The following ITGB8 variants were observed in gnomAD, a reference collection of about 807,000 sequenced individuals.
The protein encoded by ITGB8 is integrin subunit beta 8.
A neutral mutation model predicts 89.5 loss-of-function variants in ITGB8; 30 were observed. That is an observed-to-expected ratio of 0.34 (90% CI 0.25 to 0.45). The LOEUF is 0.45. Among genes scored for constraint, ITGB8 ranks in the 20% least tolerant of loss-of-function variants. The probability of loss-of-function intolerance (pLI) is 1.00; values close to 1 mark genes in which losing one functional copy is unlikely to be tolerated. For synonymous variants in ITGB8, 335 were observed against 320.4 expected (o/e 1.05, Z -0.49); for missense variants, 836 against 933.3 (o/e 0.90, Z 1.36).
chr7:20,386,243 A>ATTTTTTT lies in ITGB8; in HGVS notation c.960+4365_960+4371dup, dbSNP rs3032551. 2.3e-3 allele frequency among the ~76,000 whole-genome samples: 333 copies of ATTTTTTT among 144,830 alleles called. 1 individual carries two copies. Among genetic ancestry groups the ATTTTTTT allele is most frequent in the African/African-American group, 8.0e-3 (315 of 39,172 alleles). ...TTCAAATTGTAAACACTATGAGAAC[A>ATTTTTTT]TTTTTTTTTTTTTGAGACGGAATCT... On this transcript the variant is annotated intron_variant, in intron 6 of 13. Coordinates refer to ENST00000222573, the MANE Select transcript of ITGB8 (RefSeq NM_002214.3).
chr7:20,331,413 T>A lies in ITGB8; in HGVS notation c.-394T>A, dbSNP rs1784386823. On this transcript the variant is annotated 5_prime_UTR_variant, in exon 1 of 14. Transcript: ENST00000222573. ...GGCTTTGTTTGGGTTTGATTGTGTT[T>A]GGCTCTTCGCTAAGCTGATTTATGC... 1 of 401,366 alleles carries A rather than the reference T, an allele frequency of 2.5e-6. No homozygotes were observed. Among genetic ancestry groups the A allele is most frequent in the East Asian group, 3.6e-5 (1 of 28,032 alleles). The allele number at this position is 401,366 out of a possible 1,614,324, so 24.9% of individuals were successfully genotyped here.
intron 12 of ITGB8, among the ~76,000 whole-genome samples, chr7:20,407,356 A>C (rs952624104): frequency 9.2e-5 from 14 of 152,038 alleles, no homozygotes; most frequent in South Asian, 4.1e-4. Context: ...TAAAAAAAAA[A>C]AACAACAAAA....
chr7:20,408,404 A>C (rs937451611), intron 12 of ITGB8, among the ~76,000 whole-genome samples: 5 of 151,226 alleles, frequency 3.3e-5, no homozygotes, highest in African/African-American at 9.7e-5. Context: ...AAATAGGCTT[A>C]ATTAAGTCTT....
chr7:20,384,449 T>C (rs984137586), intron 6 of ITGB8, among the ~76,000 whole-genome samples: 1 of 152,234 alleles, frequency 6.6e-6, no homozygotes, highest in Non-Finnish European at 1.5e-5. Flanking sequence ...TGCCATTTTA[T>C]TGAGTATGTA....
chr7:20,345,392 T>TA (rs11393596), intron 1 of ITGB8, among the ~76,000 whole-genome samples: 134,190 of 150,244 alleles, frequency 0.89, 59,968 homozygotes, highest in East Asian at 0.99. Flanking sequence ...ACAGACAAAA[T>TA]AAAAAAAAAC....
At chr7:20,383,412 A>T (rs1334420994) in intron 6 of ITGB8, among the ~76,000 whole-genome samples, 2 of 152,136 alleles carry the variant, frequency 1.3e-5, no homozygotes, top group East Asian at 3.8e-4. Context: ...GTCATTTCTT[A>T]TCTATCTTTC....
intron 1 of ITGB8, among the ~76,000 whole-genome samples, chr7:20,337,221 A>G (rs540437654): frequency 6.6e-6 from 1 of 152,338 alleles, no homozygotes; most frequent in South Asian, 2.1e-4. Context: ...TGATTTTACA[A>G]TTTTACAAAA....
At chr7:20,392,918 T>C (rs1415819839) in intron 7 of ITGB8, among the ~76,000 whole-genome samples, 1 of 152,216 alleles carries the variant, frequency 6.6e-6, no homozygotes, top group Non-Finnish European at 1.5e-5. Flanking sequence ...CAAACCACTT[T>C]ATTAGCAATC....
chr7:20,394,195 G>A (rs1176043209), intron 7 of ITGB8, among the ~76,000 whole-genome samples: 1 of 152,222 alleles, frequency 6.6e-6, no homozygotes, highest in Admixed American at 6.5e-5. Context: ...AGAATAAATG[G>A]ATTTCAAAAC....
chr7:20,376,487 A>C (rs371945914), intron 3 of ITGB8, among the ~76,000 whole-genome samples: 2 of 152,198 alleles, frequency 1.3e-5, no homozygotes, highest in East Asian at 3.8e-4. Flanking sequence ...ACAGTGCTGC[A>C]AAAAGGTATT....
intron 7 of ITGB8, among the ~76,000 whole-genome samples, chr7:20,394,370 A>G (rs1054042579): frequency 6.6e-6 from 1 of 152,152 alleles, no homozygotes; most frequent in Non-Finnish European, 1.5e-5. Context: ...AAGAACACAT[A>G]CCCCATGAAG....
chr7:20,373,039 G>T (rs1785997360), intron 3 of ITGB8, among the ~76,000 whole-genome samples: 1 of 152,136 alleles, frequency 6.6e-6, no homozygotes. Context: ...GCATACCTAA[G>T]TGGAAAATGC....
chr7:20,402,830 T>G (rs1485229684), intron 10 of ITGB8, among the ~76,000 whole-genome samples: 2 of 152,168 alleles, frequency 1.3e-5, no homozygotes, highest in Non-Finnish European at 2.9e-5. Context: ...CACCTACAGG[T>G]TAGATTCCAG....
intron 1 of ITGB8, among the ~76,000 whole-genome samples, chr7:20,360,475 G>T (rs916454441): frequency 2.7e-5 from 4 of 149,876 alleles, no homozygotes; most frequent in African/African-American, 9.8e-5. Context: ...TACACAATAG[G>T]TAATTTTTCA....
intron 1 of ITGB8, among the ~76,000 whole-genome samples, chr7:20,347,957 G>A (rs1784984842): frequency 1.3e-5 from 2 of 152,180 alleles, no homozygotes; most frequent in African/African-American, 4.8e-5. Flanking sequence ...CTAAGTGCTA[G>A]TTGCTAAATG....
chr7:20,395,307 C>T (rs1470465114), intron 8 of ITGB8, among the ~76,000 whole-genome samples: 9 of 152,154 alleles, frequency 5.9e-5, no homozygotes, highest in African/African-American at 1.4e-4. Context: ...CATGAAATTG[C>T]GTCATTTCCT....
chr7:20,360,869 G>A (rs1785472855), intron 1 of ITGB8, among the ~76,000 whole-genome samples: 1 of 144,382 alleles, frequency 6.9e-6, no homozygotes, highest in South Asian at 2.2e-4. Context: ...ATACCCAATG[G>A]TAGGACTGCT....
At chr7:20,351,981 C>T (rs1785131277) in intron 1 of ITGB8, among the ~76,000 whole-genome samples, 1 of 152,074 alleles carries the variant, frequency 6.6e-6, no homozygotes, top group African/African-American at 2.4e-5. Context: ...AGATTGAAAA[C>T]ATTATTTAGA....
At chr7:20,405,123 C>T (rs565385284) in intron 11 of ITGB8, among the ~76,000 whole-genome samples, 3 of 151,998 alleles carry the variant, frequency 2.0e-5, no homozygotes, top group South Asian at 2.1e-4. Flanking sequence ...ATTTAGTAAG[C>T]GTGTGATCTC....
Sources: allele counts gnomAD v4.1 joint callset (sites outside exome capture counted in the v4.1 genomes callset), GRCh38; gene constraint gnomAD v4.1.1; transcripts MANE v1.5; gene names NCBI Gene and HGNC (gene_info 2026-07-23, HGNC 2026-07-21).